Variants in ABCB11 observed in about 807,000 individuals in gnomAD.
The protein encoded by ABCB11 is bile salt export pump.
A neutral mutation model predicts 148.0 loss-of-function variants in ABCB11; 95 were observed. The ratio of observed to expected loss-of-function variants is 0.64; its 90% CI spans 0.54 to 0.76. The LOEUF is 0.76. Among genes scored for constraint, ABCB11 ranks in the 30% least tolerant of loss-of-function variants. The pLI, the probability that ABCB11 is intolerant of heterozygous loss-of-function variation, is 0.00. For missense variants in ABCB11, 1,523 were observed against 1,617.8 expected, an observed-to-expected ratio of 0.94 and a Z score of 1.01; for synonymous variants, 591 against 555.4, an observed-to-expected ratio of 1.06 and a Z score of -0.90.
At chr2:169,003,713 G>C (rs1694945500) in intron 5 of ABCB11, among the ~76,000 whole-genome samples, 1 of 152,048 alleles carries the variant, frequency 6.6e-6, no homozygotes, top group Non-Finnish European at 1.5e-5. Flanking sequence ...CCCACCAATG[G>C]TGTAAAAGTG....
At chr2:169,005,493 C>G (rs747914356) in intron 5 of ABCB11, among the ~76,000 whole-genome samples, 1 of 152,060 alleles carries the variant, frequency 6.6e-6, no homozygotes, top group African/African-American at 2.4e-5. Context: ...CTGGCAGTTA[C>G]AGGCCTTAAC....
intron 26 of ABCB11, among the ~76,000 whole-genome samples, chr2:168,926,504 C>T (rs1012854488): frequency 1.3e-5 from 2 of 152,162 alleles, no homozygotes; most frequent in African/African-American, 2.4e-5. Flanking sequence ...TGGATGCAAG[C>T]CCAGGTCAGC....
intron 8 of ABCB11, among the ~76,000 whole-genome samples, chr2:168,991,250 C>T (rs1236867014): frequency 6.6e-6 from 1 of 152,112 alleles, no homozygotes; most frequent in Non-Finnish European, 1.5e-5. Context: ...TGTCATAGTT[C>T]ATTGCTATTA....
At chr2:168,920,464 T>C (rs2105868898), downstream of ABCB11, among the ~76,000 whole-genome samples, 1 of 152,294 alleles carries the variant, frequency 6.6e-6, no homozygotes, top group African/African-American at 2.4e-5. Flanking sequence ...TTTTTTCTTT[T>C]CTTATTTTTT....
chr2:168,975,049 T>A (rs900760096), intron 12 of ABCB11, among the ~76,000 whole-genome samples: 1 of 144,402 alleles, frequency 6.9e-6, no homozygotes, highest in Admixed American at 7.1e-5. Flanking sequence ...GGTATGTATA[T>A]ATAGATATAA....
chr2:169,023,565 G>A (rs77731451), intron 1 of ABCB11, among the ~76,000 whole-genome samples: 2,708 of 152,218 alleles, frequency 0.018, 110 homozygotes, highest in East Asian at 0.18. Context: ...GACACACAGT[G>A]GAATATTATC....
chr2:169,027,676 T>C (rs752166078), intron 1 of ABCB11, among the ~76,000 whole-genome samples: 10 of 151,994 alleles, frequency 6.6e-5, no homozygotes, highest in Non-Finnish European at 1.0e-4. Flanking sequence ...ACCACAAAGG[T>C]CCTGAGGCTG....
At chr2:168,919,036 ATTTG>A (rs71676177), downstream of ABCB11, among the ~76,000 whole-genome samples, 20,823 of 151,786 alleles carry the variant, frequency 0.14, 3,281 homozygotes, top group African/African-American at 0.37. Context: ...AAAACATCTT[ATTTG>A]TTTAAATGTT....
At chr2:169,008,839 C>G (rs998808146) in intron 5 of ABCB11, among the ~76,000 whole-genome samples, 1 of 152,096 alleles carries the variant, frequency 6.6e-6, no homozygotes, top group African/African-American at 2.4e-5. Flanking sequence ...AATCTGTATA[C>G]AAATGTTCAC....
chr2:168,927,108 C>T (rs752587780), intron 26 of ABCB11, 48 bp downstream of exon 26: 3 of 1,495,868 alleles, frequency 2.0e-6, no homozygotes, highest in South Asian at 2.3e-5. Flanking sequence ...CATTCTACTT[C>T]TCCCCATCCT....
intron 25 of ABCB11, among the ~76,000 whole-genome samples, chr2:168,929,096 T>C (rs890049860): frequency 6.6e-6 from 1 of 152,170 alleles, no homozygotes; most frequent in Non-Finnish European, 1.5e-5. Flanking sequence ...GAAAGGCCAC[T>C]TTCAAAATAT....
chr2:168,988,072 T>C (rs550153405), intron 9 of ABCB11, among the ~76,000 whole-genome samples: 1 of 152,264 alleles, frequency 6.6e-6, no homozygotes, highest in South Asian at 2.1e-4. Context: ...TTAACCATAG[T>C]CACCATGTTA....
chr2:169,010,116 CA>C (rs1222598725), intron 5 of ABCB11, among the ~76,000 whole-genome samples: 2 of 152,166 alleles, frequency 1.3e-5, no homozygotes, highest in Non-Finnish European at 2.9e-5. Flanking sequence ...AGACTCCTTC[CA>C]AATTACACCA....
chr2:168,944,529 A>C, intron 21 of ABCB11, 76 bp downstream of exon 21: 2 of 1,442,334 alleles, frequency 1.4e-6, no homozygotes, highest in Non-Finnish European at 1.9e-6. Flanking sequence ...GAAAACATGC[A>C]GGTGATTGTC....
intron 18 of ABCB11, among the ~76,000 whole-genome samples, chr2:168,958,341 G>A (rs754219761): frequency 2.6e-5 from 4 of 151,476 alleles, no homozygotes; most frequent in Non-Finnish European, 3.0e-5. Context: ...GAGGGAATAC[G>A]CATTTGAAGG....
At chr2:169,028,169 C>T (rs1284393495) in intron 1 of ABCB11, among the ~76,000 whole-genome samples, 1 of 152,002 alleles carries the variant, frequency 6.6e-6, no homozygotes, top group Non-Finnish European at 1.5e-5. Context: ...TCAGGGCAGC[C>T]TGAGGCCCAG....
At chr2:168,948,606 C>A (rs889684638) in intron 19 of ABCB11, among the ~76,000 whole-genome samples, 1 of 151,548 alleles carries the variant, frequency 6.6e-6, no homozygotes, top group Non-Finnish European at 1.5e-5. Context: ...CTGGGGAAGA[C>A]AATCAATACA....
At chr2:168,917,173 G>C (rs950380936), downstream of ABCB11, among the ~76,000 whole-genome samples, 1 of 149,908 alleles carries the variant, frequency 6.7e-6, no homozygotes, top group Non-Finnish European at 1.5e-5. Context: ...AGTACATTTA[G>C]AGTAACTATA....
At chr2:169,010,398 T>C (rs547824104) in intron 5 of ABCB11, among the ~76,000 whole-genome samples, 9 of 152,208 alleles carry the variant, frequency 5.9e-5, no homozygotes, top group Non-Finnish European at 8.8e-5. Flanking sequence ...TGTAATTCAC[T>C]GACAGCCATC....
Sources: allele counts gnomAD v4.1 joint callset (sites outside exome capture counted in the v4.1 genomes callset), GRCh38; gene constraint gnomAD v4.1.1; transcripts MANE v1.5; gene names NCBI Gene and HGNC (gene_info 2026-07-23, HGNC 2026-07-21).